Variants in BTBD9 observed in about 807,000 individuals in gnomAD.
BTBD9 encodes BTB domain containing 9, also known as BTB/POZ domain-containing protein 9.
A neutral mutation model predicts 64.3 loss-of-function variants in BTBD9; 49 were observed. That is an observed-to-expected ratio of 0.76 (90% CI 0.61 to 0.97). BTBD9 has a LOEUF of 0.97. Among genes scored for constraint, BTBD9 ranks in the 50% least tolerant of loss-of-function variants. The pLI is 0.00. For synonymous variants in BTBD9, 260 were observed against 274.7 expected (o/e 0.95, Z 0.53); for missense variants, 598 against 762.1 (o/e 0.78, Z 2.53).
intron 9 of BTBD9, among the ~76,000 whole-genome samples, chr6:38,221,906 G>A (rs988722441): frequency 2.6e-5 from 4 of 152,076 alleles, no homozygotes; most frequent in Non-Finnish European, 5.9e-5. Flanking sequence ...CAGGAGAATC[G>A]CTTGAACCTG....
chr6:38,490,652 G>C (rs1259953855), intron 6 of BTBD9, among the ~76,000 whole-genome samples: 1 of 152,116 alleles, frequency 6.6e-6, no homozygotes, highest in Non-Finnish European at 1.5e-5. Context: ...ATTCTTATTT[G>C]ACATGTGAAA....
At chr6:38,221,264 T>A (rs554173993) in intron 9 of BTBD9, among the ~76,000 whole-genome samples, 39 of 152,238 alleles carry the variant, frequency 2.6e-4, no homozygotes, top group African/African-American at 9.1e-4. Flanking sequence ...TTACTGTCGA[T>A]AACATCTAAT....
chr6:38,546,284 A>C (rs892594635), intron 6 of BTBD9, among the ~76,000 whole-genome samples: 3 of 152,230 alleles, frequency 2.0e-5, no homozygotes, highest in Admixed American at 2.0e-4. Flanking sequence ...TACCAAGAAT[A>C]TCAGAGTGGA....
At chr6:38,352,952 A>G (rs1764579783) in intron 6 of BTBD9, among the ~76,000 whole-genome samples, 1 of 152,248 alleles carries the variant, frequency 6.6e-6, no homozygotes, top group Non-Finnish European at 1.5e-5. Context: ...TTTTCTATTT[A>G]AAGTTGAAAT....
rs577310282 is a variant in BTBD9 at position 38,198,015 on chromosome 6, T to C, written c.1563-5418A>G. Among the ~76,000 whole-genome samples, 3 of 152,360 alleles carry C rather than the reference T, an allele frequency of 2.0e-5. No individual in the cohort carries two copies. The South Asian group carries it at 6.2e-4, about 32-fold the overall frequency. On this transcript the variant is annotated intron_variant, in intron 9 of 10. Coordinates refer to ENST00000481247, the MANE Select transcript of BTBD9 (RefSeq NM_001099272.2). ...TTTCAGCATTAACTAGAATGTTTCA[T>C]TTCTTTGATTAAAATAAAAAAGACT...
At chr6:38,394,210 G>A (rs1031948487) in intron 6 of BTBD9, among the ~76,000 whole-genome samples, 1 of 152,110 alleles carries the variant, frequency 6.6e-6, no homozygotes, top group African/African-American at 2.4e-5. Context: ...CAGGAAACAG[G>A]CAACTATAAT....
At chr6:38,202,807 A>C (rs1762511263) in intron 9 of BTBD9, among the ~76,000 whole-genome samples, 1 of 152,228 alleles carries the variant, frequency 6.6e-6, no homozygotes, top group African/African-American at 2.4e-5. Flanking sequence ...AAATAATAGA[A>C]GAAAACATAG....
intron 6 of BTBD9, among the ~76,000 whole-genome samples, chr6:38,529,848 T>C (rs1408935418): frequency 6.6e-6 from 1 of 152,082 alleles, no homozygotes; most frequent in Non-Finnish European, 1.5e-5. Flanking sequence ...CAGTGCACCT[T>C]GAAAAAGAAC....
intron 6 of BTBD9, among the ~76,000 whole-genome samples, chr6:38,478,978 G>A (rs1189255306): frequency 6.6e-6 from 1 of 152,264 alleles, no homozygotes; most frequent in East Asian, 1.9e-4. Flanking sequence ...CTGAAGAAGT[G>A]CTGCTGAAAT....
rs567076246 is a variant in BTBD9, at chr6:38,542,350, C to T, written c.1154+35250G>A. Among the ~76,000 whole-genome samples the T allele has an allele frequency of 3.3e-5, 5 of 152,258 alleles. 1 individual carries two copies. The South Asian group carries it at 8.3e-4, about 25-fold the overall frequency. On this transcript the variant is annotated intron_variant, in intron 6 of 10. Transcript: ENST00000481247. ...TCTCAGTAAATTGTACCCCCATTCACCCAGTTTTCATGCCAAAAACCCAGT... is the reference window on the plus strand; with the variant it reads ...TCTCAGTAAATTGTACCCCCATTCATCCAGTTTTCATGCCAAAAACCCAGT...
At chr6:38,199,122 C>T (rs548463184) in intron 9 of BTBD9, among the ~76,000 whole-genome samples, 7 of 152,316 alleles carry the variant, frequency 4.6e-5, no homozygotes, top group South Asian at 4.2e-4. Context: ...AGGAGACACA[C>T]ATTTCCCTCT....
chr6:38,185,799 T>C (rs1289627178), intron 10 of BTBD9, among the ~76,000 whole-genome samples: 1 of 152,222 alleles, frequency 6.6e-6, no homozygotes. Flanking sequence ...TTTTGAAGTT[T>C]CCATGAATGT....
At chr6:38,433,800 A>G (rs1201630741) in intron 6 of BTBD9, among the ~76,000 whole-genome samples, 1 of 151,916 alleles carries the variant, frequency 6.6e-6, no homozygotes, top group Non-Finnish European at 1.5e-5. Context: ...TTCACTGTTT[A>G]TTTATTGTCT....
At chr6:38,306,665 A>G (rs77545694) in intron 7 of BTBD9, among the ~76,000 whole-genome samples, 7,844 of 152,268 alleles carry the variant, frequency 0.052, 295 homozygotes, top group South Asian at 0.11. Flanking sequence ...GGAGTAATAA[A>G]TTTTTTAAAA....
intron 7 of BTBD9, among the ~76,000 whole-genome samples, chr6:38,305,519 G>A (rs901498431): frequency 3.3e-5 from 5 of 152,168 alleles, no homozygotes; most frequent in African/African-American, 1.2e-4. Flanking sequence ...GTCTCACTCT[G>A]TTGCCCAGGC....
intron 6 of BTBD9, among the ~76,000 whole-genome samples, chr6:38,377,116 T>C (rs1765721094): frequency 6.6e-6 from 1 of 152,198 alleles, no homozygotes; most frequent in Non-Finnish European, 1.5e-5. Context: ...TCTTATTCTG[T>C]TCAGAAAGTA....
At chr6:38,602,121 T>C (rs926608042) in intron 1 of BTBD9, among the ~76,000 whole-genome samples, 11 of 152,192 alleles carry the variant, frequency 7.2e-5, no homozygotes, top group African/African-American at 1.9e-4. Context: ...GACGTAACCA[T>C]ATTGTAAGTC....
At chr6:38,321,067 C>T (rs962544870) in intron 7 of BTBD9, among the ~76,000 whole-genome samples, 1 of 152,188 alleles carries the variant, frequency 6.6e-6, no homozygotes, top group South Asian at 2.1e-4. Context: ...CCAAAGTAGC[C>T]TCTTTGTGCT....
At chr6:38,613,916 T>A (rs1463561296) in intron 1 of BTBD9, among the ~76,000 whole-genome samples, 1 of 152,208 alleles carries the variant, frequency 6.6e-6, no homozygotes, top group Non-Finnish European at 1.5e-5. Context: ...CTTCCAGCTA[T>A]GAGTATTCTC....
Sources: gnomAD v4.1 joint callset for allele counts (sites outside exome capture counted in the v4.1 genomes callset) on GRCh38, gnomAD v4.1.1 for gene constraint, MANE v1.5 for transcripts, NCBI Gene and HGNC (gene_info 2026-07-23, HGNC 2026-07-21) for gene names.